KCNH5: variants seen among roughly 807,000 people sequenced by gnomAD.
The protein encoded by KCNH5 is voltage-gated delayed rectifier potassium channel KCNH5.
A neutral mutation model predicts 96.1 loss-of-function variants in KCNH5; 46 were observed. That is an observed-to-expected ratio of 0.48 (90% CI 0.38 to 0.61). The LOEUF (loss-of-function observed/expected upper bound fraction) is 0.61, where lower values mean the gene tolerates loss of function less well. Among genes scored for constraint, KCNH5 ranks in the 20% least tolerant of loss-of-function variants. The pLI is 0.00. For synonymous variants in KCNH5, 439 were observed against 449.8 expected, an observed-to-expected ratio of 0.98 and a Z score of 0.30; for missense variants, 907 against 1,225.8, an observed-to-expected ratio of 0.74 and a Z score of 3.88.
intron 6 of KCNH5, among the ~76,000 whole-genome samples, chr14:62,978,694 A>G (rs2139565702): frequency 6.6e-6 from 1 of 151,974 alleles, no homozygotes; most frequent in Non-Finnish European, 1.5e-5. Flanking sequence ...ACATAATTAT[A>G]AATGTATAAA....
intron 9 of KCNH5, among the ~76,000 whole-genome samples, chr14:62,795,318 T>C (rs4902188): frequency 0.45 from 68,410 of 151,906 alleles, 16,976 homozygotes; most frequent in South Asian, 0.7. Context: ...TGGCCCTCCA[T>C]ACCTGTGGGT....
chr14:62,785,413 A>G (rs1407327237), intron 9 of KCNH5, among the ~76,000 whole-genome samples: 1 of 152,206 alleles, frequency 6.6e-6, no homozygotes, highest in African/African-American at 2.4e-5. Context: ...GATTTTGCAC[A>G]CTTTCAGGGC....
intron 7 of KCNH5, among the ~76,000 whole-genome samples, chr14:62,878,814 T>C (rs1888435537): frequency 6.6e-6 from 1 of 152,172 alleles, no homozygotes; most frequent in African/African-American, 2.4e-5. Context: ...TCCTTGCCTA[T>C]AGATGGCTGT....
At chr14:62,918,760 T>C (rs1003318139) in intron 7 of KCNH5, among the ~76,000 whole-genome samples, 1 of 152,072 alleles carries the variant, frequency 6.6e-6, no homozygotes, top group Non-Finnish European at 1.5e-5. Context: ...ACTCAAAATA[T>C]GTCAGTAGAC....
intron 7 of KCNH5, among the ~76,000 whole-genome samples, chr14:62,883,425 G>A (rs778075878): frequency 5.3e-5 from 8 of 152,128 alleles, no homozygotes; most frequent in Admixed American, 2.6e-4. Flanking sequence ...CGACTTCTAG[G>A]CTCAGGACAA....
intron 7 of KCNH5, among the ~76,000 whole-genome samples, chr14:62,859,072 GT>G (rs1422874286): frequency 1.3e-5 from 2 of 152,186 alleles, no homozygotes; most frequent in East Asian, 3.9e-4. Flanking sequence ...ATGGATGGTA[GT>G]TTTGGCAGAA....
At chr14:62,875,412 G>A (rs1457492959) in intron 7 of KCNH5, among the ~76,000 whole-genome samples, 1 of 152,134 alleles carries the variant, frequency 6.6e-6, no homozygotes, top group Non-Finnish European at 1.5e-5. Flanking sequence ...GAACAAAGCT[G>A]GAGGCATCAC....
chr14:62,950,084 G>A (rs1386106533), intron 7 of KCNH5, 49 bp downstream of exon 7: 1 of 1,539,908 alleles, frequency 6.5e-7, no homozygotes, highest in East Asian at 2.3e-5. Context: ...TTGTAGCCAG[G>A]AAAATTGCCA....
chr14:62,976,037 C>T (rs941365254), intron 6 of KCNH5, among the ~76,000 whole-genome samples: 1 of 149,150 alleles, frequency 6.7e-6, no homozygotes, highest in Non-Finnish European at 1.5e-5. Flanking sequence ...TAGAAAATAA[C>T]GTGGAAGAAA....
At chr14:62,868,769 G>C (rs898523719) in intron 7 of KCNH5, among the ~76,000 whole-genome samples, 16 of 152,102 alleles carry the variant, frequency 1.1e-4, no homozygotes, top group Non-Finnish European at 1.0e-4. Context: ...TCCTACTTAA[G>C]AGCGAGAACA....
intron 7 of KCNH5, among the ~76,000 whole-genome samples, chr14:62,914,816 T>C (rs1458274671): frequency 6.6e-6 from 1 of 152,194 alleles, no homozygotes; most frequent in Non-Finnish European, 1.5e-5. Flanking sequence ...GCAGCCCAAA[T>C]AGACTAGACA....
At chr14:62,731,529 A>G (rs1885050772) in intron 10 of KCNH5, among the ~76,000 whole-genome samples, 1 of 152,058 alleles carries the variant, frequency 6.6e-6, no homozygotes, top group Non-Finnish European at 1.5e-5. Flanking sequence ...ACATACTACA[A>G]TTTTCTACTA....
chr14:62,741,767 T>C (rs545918433), intron 10 of KCNH5, among the ~76,000 whole-genome samples: 3 of 152,304 alleles, frequency 2.0e-5, no homozygotes, highest in African/African-American at 7.2e-5. Context: ...TGTTTCCTGC[T>C]TTTATTTTAC....
chr14:62,909,619 C>G (rs1889110849), intron 7 of KCNH5, among the ~76,000 whole-genome samples: 1 of 152,158 alleles, frequency 6.6e-6, no homozygotes, highest in Non-Finnish European at 1.5e-5. Flanking sequence ...TCTTCACCCC[C>G]ACTGCCATCC....
chr14:62,886,394 G>A (rs1888599120), intron 7 of KCNH5, among the ~76,000 whole-genome samples: 1 of 152,136 alleles, frequency 6.6e-6, no homozygotes, highest in African/African-American at 2.4e-5. Flanking sequence ...GAATCCTGCA[G>A]GGTTCATGTT....
chr14:62,707,591 G>A lies in KCNH5; in HGVS notation c.2884C>T (p.Pro962Ser), dbSNP rs202223175. 122 of 1,534,370 alleles carry A rather than the reference G, an allele frequency of 8.0e-5. No individual in the cohort carries two copies. The highest frequency in any genetic ancestry group is 1.0e-4 in the Non-Finnish European group (115 of 1,138,716). ...ATATCCTGACATGGTATCTGGGGGG[G>A]TACTTGGAGTGGCATTTGGGATTTG... ...SPKSQMPLQV[P>S]PQIPCQDIFS... is the part of the protein sequence containing the mutation. The change falls in exon 11 of 11, where the codon CCC becomes TCC. Residue 962 changes from proline (P) to serine (S), a missense_variant. Physicochemically the swap from Pro to Ser is moderately conservative, Grantham distance 74 (BLOSUM62 -1). Around this residue, in one of 6 missense-constraint regions of KCNH5, gnomAD observed 362 missense variants for 394.4 expected, o/e 0.92. Transcript: ENST00000322893.
At chr14:62,928,283 G>C (rs545474218) in intron 7 of KCNH5, among the ~76,000 whole-genome samples, 41 of 152,090 alleles carry the variant, frequency 2.7e-4, no homozygotes, top group African/African-American at 8.9e-4. Context: ...TCTATACTTT[G>C]GTGAGGTGCT....
chr14:62,868,000 C>T lies in KCNH5; in HGVS notation c.1370-18148G>A, dbSNP rs149373725. ...TGAATATGCTTGTTGTCTGTATAAC[C>T]TGACGCTCTCTCCAAAATGTAAACT... On this transcript the variant is annotated intron_variant, in intron 7 of 10. Coordinates refer to ENST00000322893, the MANE Select transcript of KCNH5 (RefSeq NM_139318.5). Among the ~76,000 whole-genome samples, 524 of 152,348 alleles carry T rather than the reference C, an allele frequency of 3.4e-3. 3 individuals are homozygous for T. Among genetic ancestry groups the T allele is most frequent in the African/African-American group, 0.012 (505 of 41,574 alleles).
chr14:62,893,444 A>T (rs970420178), intron 7 of KCNH5, among the ~76,000 whole-genome samples: 1 of 152,216 alleles, frequency 6.6e-6, no homozygotes. Flanking sequence ...TTTTCAAATG[A>T]TAACATAAGA....
Sources: gnomAD v4.1 joint callset for allele counts (sites outside exome capture counted in the v4.1 genomes callset) on GRCh38, gnomAD v4.1.1 for gene constraint, gnomAD v4.1.1 regional missense constraint, MANE v1.5 for transcripts, NCBI Gene and HGNC (gene_info 2026-07-23, HGNC 2026-07-21) for gene names.